MCTP2: variants seen among roughly 807,000 people sequenced by gnomAD.
The protein encoded by MCTP2 is multiple C2 and transmembrane domain-containing protein 2.
A neutral mutation model predicts 111.6 loss-of-function variants in MCTP2; 132 were observed. The observed-to-expected ratio is 1.18, with a 90% confidence interval of 1.03 to 1.37. The LOEUF (loss-of-function observed/expected upper bound fraction) is 1.37, where lower values mean the gene tolerates loss of function less well. MCTP2 is among the 40% of genes most tolerant of loss of function. The pLI, the probability that MCTP2 is intolerant of heterozygous loss-of-function variation, is 0.00. For missense variants in MCTP2, 1,183 were observed against 1,067.9 expected (o/e 1.11, Z -1.50); for synonymous variants, 395 against 387.7 (o/e 1.02, Z -0.22).
chr15:94,432,102 TC>T (rs2083218660), intron 17 of MCTP2, among the ~76,000 whole-genome samples: 1 of 152,166 alleles, frequency 6.6e-6, no homozygotes, highest in African/African-American at 2.4e-5. Context: ...CTAGAAGAAA[TC>T]AACTAGCCCT....
intron 4 of MCTP2, among the ~76,000 whole-genome samples, chr15:94,338,856 T>G (rs1218266223): frequency 1.3e-5 from 2 of 152,232 alleles, no homozygotes; most frequent in Non-Finnish European, 2.9e-5. Flanking sequence ...TTTATTATGA[T>G]TATATTTTCA....
chr15:94,477,271 G>A (rs1399126128), intron 22 of MCTP2, among the ~76,000 whole-genome samples: 2 of 152,170 alleles, frequency 1.3e-5, no homozygotes, highest in Non-Finnish European at 2.9e-5. Flanking sequence ...AAGACTTAGG[G>A]ATGCTGAGAA....
chr15:94,263,831 TA>T (rs1414607163), intron 1 of MCTP2, among the ~76,000 whole-genome samples: 1 of 152,236 alleles, frequency 6.6e-6, no homozygotes, highest in Non-Finnish European at 1.5e-5. Flanking sequence ...TGTGGGGTTA[TA>T]AAGAAACTTT....
intron 17 of MCTP2, among the ~76,000 whole-genome samples, chr15:94,430,876 A>G (rs1373026585): frequency 6.6e-6 from 1 of 152,138 alleles, no homozygotes; most frequent in Non-Finnish European, 1.5e-5. Context: ...ACCTCCTCCA[A>G]AGTCTTTGCT....
intron 1 of MCTP2, among the ~76,000 whole-genome samples, chr15:94,239,873 A>C (rs1322175277): frequency 6.6e-6 from 1 of 152,224 alleles, no homozygotes; most frequent in Non-Finnish European, 1.5e-5. Flanking sequence ...ATTATGTTTG[A>C]TCAGATAGGT....
chr15:94,335,731 C>G (rs2077330379), intron 4 of MCTP2, among the ~76,000 whole-genome samples: 1 of 152,118 alleles, frequency 6.6e-6, no homozygotes, highest in Non-Finnish European at 1.5e-5. Flanking sequence ...TAAACTAACA[C>G]AATGCAATGA....
At chr15:94,325,826 T>TTTTTTTTTTTTTTTTG (rs1347477859) in intron 4 of MCTP2, among the ~76,000 whole-genome samples, 1 of 143,512 alleles carries the variant, frequency 7.0e-6, no homozygotes, top group Non-Finnish European at 1.5e-5. Context: ...TTTTTTTTTT[T>TTTTTTTTTTTTTTTTG]TTTTTTTTTT....
At chr15:94,422,968 T>G (rs951000263) in intron 17 of MCTP2, among the ~76,000 whole-genome samples, 3 of 152,182 alleles carry the variant, frequency 2.0e-5, no homozygotes, top group African/African-American at 2.4e-5. Context: ...AGTGCTGGGA[T>G]TACAGGCTTG....
At chr15:94,413,498 A>G (rs2082245369) in intron 17 of MCTP2, among the ~76,000 whole-genome samples, 1 of 150,934 alleles carries the variant, frequency 6.6e-6, no homozygotes, top group South Asian at 2.1e-4. Context: ...TGCTTATGTC[A>G]TTGGCTAGGT....
chr15:94,298,160 T>TTTTG (rs894880128), intron 1 of MCTP2, 41 bp from the exon 2 acceptor site: 1 of 870,496 alleles, frequency 1.1e-6, no homozygotes, highest in Non-Finnish European at 1.7e-6. Context: ...TGTTTTTTTT[T>TTTTG]TTTGTTTGTT....
chr15:94,419,651 A>G (rs1019583342), intron 17 of MCTP2, among the ~76,000 whole-genome samples: 1 of 152,144 alleles, frequency 6.6e-6, no homozygotes, highest in Non-Finnish European at 1.5e-5. Flanking sequence ...TGGTCAGTCT[A>G]AATAGCCTTT....
intron 1 of MCTP2, among the ~76,000 whole-genome samples, chr15:94,237,477 A>G (rs1410723772): frequency 1.3e-5 from 2 of 151,394 alleles, no homozygotes; most frequent in African/African-American, 4.9e-5. Context: ...ATTCTTATCT[A>G]AGGGGTCTGG....
chr15:94,471,901 A>C (rs1484544401), intron 21 of MCTP2, among the ~76,000 whole-genome samples: 2 of 152,170 alleles, frequency 1.3e-5, no homozygotes, highest in East Asian at 3.9e-4. Context: ...AGATCTTGAG[A>C]TTGTTGTCTG....
chr15:94,479,008 C>A lies in MCTP2; in HGVS notation c.2611C>A (p.Leu871Met), dbSNP rs747802744. ...GAAACTCTGCAGCAGCCACAGCCCC[C>A]TGCGGAAGAAGCGCAGCGCTCTCTA... is the stretch of plus-strand genomic sequence containing the variant. ...ELKLCSSHSP[L>M]RKKRSAL is the part of the protein sequence containing the mutation. The change falls in exon 23 of 23, where the codon CTG (leucine) becomes ATG (methionine). Residue 871 changes from leucine (L) to methionine (M), a missense_variant. Leu to Met is a conservative substitution (Grantham distance 15, BLOSUM62 2). Coordinates refer to ENST00000357742, the MANE Select transcript of MCTP2 (RefSeq NM_001385001.1). 4.3e-6 allele frequency: 7 copies of A among 1,614,002 alleles called. No homozygotes were observed. The African/African-American group carries it at 9.3e-5, about 22-fold the overall frequency.
chr15:94,474,688 A>T (rs6497210), intron 21 of MCTP2, among the ~76,000 whole-genome samples: 2 of 151,962 alleles, frequency 1.3e-5, no homozygotes, highest in Admixed American at 1.3e-4. Context: ...GCGAAACCCC[A>T]TCTCTTAAAA....
intron 21 of MCTP2, 100 bp downstream of exon 21, chr15:94,470,542 G>A (rs1436670340): frequency 6.5e-6 from 6 of 919,696 alleles, no homozygotes; most frequent in Non-Finnish European, 1.1e-5. Flanking sequence ...GCTCTTGTTG[G>A]CAATTAAACA....
At chr15:94,338,504 T>G (rs1242557975) in intron 4 of MCTP2, among the ~76,000 whole-genome samples, 1 of 147,096 alleles carries the variant, frequency 6.8e-6, no homozygotes, top group Non-Finnish European at 1.5e-5. Flanking sequence ...TTTTTTTTTT[T>G]TTTTACTTCC....
chr15:94,289,959 TGA>T (rs2074957145), intron 1 of MCTP2, among the ~76,000 whole-genome samples: 1 of 152,162 alleles, frequency 6.6e-6, no homozygotes, highest in Non-Finnish European at 1.5e-5. Context: ...GATGCATCAA[TGA>T]GAGAGACTTA....
rs778153887 is a variant in MCTP2, at chr15:94,476,742, C to A, written c.2517C>A (p.Asp839Glu). 6.2e-7 allele frequency: 1 copy of A among 1,609,760 alleles called. No individual in the cohort carries two copies. The highest frequency in any genetic ancestry group is 1.7e-5 in the Admixed American group (1 of 60,004). ...AGCTTCGAAATCCCTATTCCATCGACAATAATGAGCTACTAGACTTCCTCT... is the reference window on the plus strand; with the variant it reads ...AGCTTCGAAATCCCTATTCCATCGAAAATAATGAGCTACTAGACTTCCTCT... ...TKKLRNPYSIDNNELLDFLSR... is the reference protein window; with the variant it reads ...TKKLRNPYSIENNELLDFLSR... Residue 839 changes from aspartate to glutamate, a missense_variant, in exon 22 of 23, where the codon GAC becomes GAA. Asp to Glu is a conservative substitution (Grantham distance 45, BLOSUM62 2). Coordinates refer to ENST00000357742, the MANE Select transcript of MCTP2 (RefSeq NM_001385001.1).
Sources: gnomAD v4.1 joint callset for allele counts (sites outside exome capture counted in the v4.1 genomes callset) on GRCh38, gnomAD v4.1.1 for gene constraint, MANE v1.5 for transcripts, NCBI Gene and HGNC (gene_info 2026-07-23, HGNC 2026-07-21) for gene names.